CHMP4C: variants seen among roughly 807,000 people sequenced by gnomAD.
The protein encoded by CHMP4C is charged multivesicular body protein 4C, also known as SNF7 homolog associated with Alix 3.
CHMP4C carries 28 observed loss-of-function variants against 29.0 expected under a neutral mutation model. That is an observed-to-expected ratio of 0.97 (90% CI 0.72 to 1.32). CHMP4C has a LOEUF of 1.32. Ranked by LOEUF, CHMP4C falls within the 40% of genes most tolerant of loss-of-function variation. The pLI is 0.00. For synonymous variants in CHMP4C, 106 were observed against 102.4 expected (o/e 1.04, Z -0.21); for missense variants, 291 against 281.0 (o/e 1.04, Z -0.25).
At chr8:81,750,650 CTT>C in intron 1 of CHMP4C, among the ~76,000 whole-genome samples, 1 of 151,802 alleles carries the variant, frequency 6.6e-6, no homozygotes, top group Non-Finnish European at 1.5e-5. Context: ...CAATGTTCAT[CTT>C]ATATTATAGG....
At chr8:81,753,264 T>G (rs1443216225) in intron 2 of CHMP4C, 23 bp downstream of exon 2, 1 of 1,562,696 alleles carries the variant, frequency 6.4e-7, no homozygotes, top group Non-Finnish European at 8.7e-7. Flanking sequence ...GGTCTCCCTC[T>G]GAATCATAAA....
intron 1 of CHMP4C, among the ~76,000 whole-genome samples, chr8:81,745,154 T>A (rs924602172): frequency 6.6e-6 from 1 of 152,212 alleles, no homozygotes. Flanking sequence ...GAACAGGGCT[T>A]ACACTAAAGT....
chr8:81,752,654 T>C (rs1190096931), intron 1 of CHMP4C, among the ~76,000 whole-genome samples: 1 of 152,174 alleles, frequency 6.6e-6, no homozygotes, highest in Admixed American at 6.5e-5. Flanking sequence ...TCAATGAACT[T>C]GCCTTTAAGA....
chr8:81,735,701 A>G (rs945258377), intron 1 of CHMP4C, among the ~76,000 whole-genome samples: 1 of 152,222 alleles, frequency 6.6e-6, no homozygotes, highest in Non-Finnish European at 1.5e-5. Context: ...TCAAAGATCA[A>G]TTTCTCTACA....
chr8:81,753,189 T>C lies in CHMP4C; in HGVS notation c.316T>C (p.Leu106=). 1 of 1,610,880 alleles carries C rather than the reference T, an allele frequency of 6.2e-7. No homozygotes were observed. The highest frequency in any genetic ancestry group is 1.1e-5 in the South Asian group (1 of 90,330). ...GAACTCACACACCAACACTGAGGTG[T>C]TGAGGAACATGGGCTTTGCAGCAAA... is the stretch of plus-strand genomic sequence containing the variant. ...LENSHTNTEV[L]RNMGFAAKAM... The change falls in exon 2 of 5, where the codon TTG becomes CTG. Residue 106 remains leucine (L), a synonymous_variant. Transcript: ENST00000297265.
chr8:81,748,209 C>T (rs1008181047), intron 1 of CHMP4C, among the ~76,000 whole-genome samples: 1 of 152,228 alleles, frequency 6.6e-6, no homozygotes, highest in Non-Finnish European at 1.5e-5. Context: ...CTCTTATTCC[C>T]TGAACAATTG....
At chr8:81,757,420 C>A (rs1466150365) in intron 3 of CHMP4C, among the ~76,000 whole-genome samples, 1 of 152,122 alleles carries the variant, frequency 6.6e-6, no homozygotes, top group Non-Finnish European at 1.5e-5. Context: ...AGGGGTTGGA[C>A]TCTACTTCAG....
rs890412796 is a variant in CHMP4C, at chr8:81,748,904, T to C, written c.191-4160T>C. 1.8e-4 allele frequency among the ~76,000 whole-genome samples: 25 copies of C among 136,980 alleles called. No individual in the cohort carries two copies. In the South Asian group the frequency reaches 2.8e-3, roughly 15 times the overall value. The allele number at this position is 136,980 out of a possible 152,430, so 89.9% of individuals were successfully genotyped here. A position where few individuals can be genotyped will look rare whatever the true frequency, so the allele number is the denominator to read the frequency against. On this transcript the variant is annotated intron_variant, in intron 1 of 4. Transcript: ENST00000297265. ...ATCGCGCCACTGCACTCCAGCCTGG[T>C]GACAGAGTGAGACTCTGTGTAAAAA...
At chr8:81,734,541 A>G (rs1033179274) in intron 1 of CHMP4C, among the ~76,000 whole-genome samples, 6 of 152,084 alleles carry the variant, frequency 3.9e-5, no homozygotes, top group Non-Finnish European at 5.9e-5. Context: ...TGTTGGTAAG[A>G]CTGGTCTCGA....
rs1554592449 is a variant in CHMP4C, at chr8:81,739,418, T to TGC, written c.190+6603_190+6604insCG. On this transcript the variant is annotated intron_variant, in intron 1 of 4. Transcript: ENST00000297265. Reference sequence around the variant, plus strand: ...CGGTATTCTAAGGCCTGGGGGATTGTGGGGGGGGGTGGAAAAAAAAAAAGT... The same window carrying TGC: ...CGGTATTCTAAGGCCTGGGGGATTGTGCGGGGGGGGGTGGAAAAAAAAAAAGT... Among the ~76,000 whole-genome samples, 20 of 93,578 alleles carry TGC rather than the reference T, an allele frequency of 2.1e-4. No homozygotes were observed. In the South Asian group the frequency reaches 6.9e-3, roughly 32 times the overall value. 61.4% of individuals were successfully genotyped at this position (93,578 alleles called of 152,430 possible). A position where few individuals can be genotyped will look rare whatever the true frequency, so the allele number is the denominator to read the frequency against.
intron 3 of CHMP4C, 94 bp downstream of exon 3, chr8:81,755,578 G>T (rs1014566534): frequency 3.2e-6 from 2 of 620,262 alleles, no homozygotes; most frequent in Non-Finnish European, 5.7e-6. Flanking sequence ...ACTACTGAAA[G>T]AACAAGTGAT....
At chr8:81,734,454 C>A (rs557300723) in intron 1 of CHMP4C, among the ~76,000 whole-genome samples, 1 of 152,268 alleles carries the variant, frequency 6.6e-6, no homozygotes, top group East Asian at 1.9e-4. Flanking sequence ...CCTCAGCCTC[C>A]CGAGTCGCTG....
rs554410979 is a variant in CHMP4C at position 81,737,213 on chromosome 8, A to G, written c.190+4397A>G. 2.0e-5 allele frequency among the ~76,000 whole-genome samples: 3 copies of G among 152,328 alleles called. No homozygotes were observed. The East Asian group carries it at 5.8e-4, about 29-fold the overall frequency. On this transcript the variant is annotated intron_variant, in intron 1 of 4. Transcript: ENST00000297265. ...TTCTTCTGAGCACTGCGTCTTAAAT[A>G]GTCACCTGGATGCATGGGGCCCACC...
At chr8:81,744,235 G>A (rs1036270911) in intron 1 of CHMP4C, among the ~76,000 whole-genome samples, 1 of 150,530 alleles carries the variant, frequency 6.6e-6, no homozygotes, top group Middle Eastern at 3.4e-3. Flanking sequence ...TCTTTAAAAC[G>A]AAGATGTGCT....
chr8:81,734,637 G>A (rs536794181), intron 1 of CHMP4C, among the ~76,000 whole-genome samples: 1 of 152,162 alleles, frequency 6.6e-6, no homozygotes, highest in Non-Finnish European at 1.5e-5. Context: ...GCTGATGTTG[G>A]TTTTAAAAAT....
At chr8:81,743,379 A>G (rs1398396054) in intron 1 of CHMP4C, among the ~76,000 whole-genome samples, 1 of 151,890 alleles carries the variant, frequency 6.6e-6, no homozygotes, top group Non-Finnish European at 1.5e-5. Flanking sequence ...TATACTTAAA[A>G]AATATTCTAG....
intron 1 of CHMP4C, among the ~76,000 whole-genome samples, chr8:81,739,131 T>A (rs1055340712): frequency 7.1e-6 from 1 of 141,594 alleles, no homozygotes; most frequent in East Asian, 2.1e-4. Context: ...GGAGTCTTGC[T>A]CTATCACCAG....
At chr8:81,738,982 A>T (rs1343964665) in intron 1 of CHMP4C, among the ~76,000 whole-genome samples, 1 of 151,796 alleles carries the variant, frequency 6.6e-6, no homozygotes, top group Non-Finnish European at 1.5e-5. Context: ...CTCTCTATTT[A>T]TTCTATTTTC....
At chr8:81,755,876 T>C (rs2130497411) in intron 3 of CHMP4C, among the ~76,000 whole-genome samples, 1 of 152,300 alleles carries the variant, frequency 6.6e-6, no homozygotes, top group South Asian at 2.1e-4. Flanking sequence ...GAGGTTAGGC[T>C]GCCTCTGTTT....
Sources: allele counts gnomAD v4.1 joint callset (sites outside exome capture counted in the v4.1 genomes callset), GRCh38; gene constraint gnomAD v4.1.1; transcripts MANE v1.5; gene names NCBI Gene and HGNC (gene_info 2026-07-23, HGNC 2026-07-21).